The following IFFO2 variants were observed in gnomAD, a reference collection of about 807,000 sequenced individuals.
IFFO2 encodes the protein intermediate filament family orphan 2.
A neutral mutation model predicts 53.5 loss-of-function variants in IFFO2; 19 were observed. The ratio of observed to expected loss-of-function variants is 0.36; its 90% CI spans 0.25 to 0.52. The LOEUF is 0.52. Among genes scored for constraint, IFFO2 ranks in the 20% least tolerant of loss-of-function variants. The probability of loss-of-function intolerance (pLI) is 0.94; values close to 1 mark genes in which losing one functional copy is unlikely to be tolerated. For synonymous variants in IFFO2, 303 were observed against 313.6 expected (o/e 0.97, Z 0.36); for missense variants, 570 against 727.4 (o/e 0.78, Z 2.49).
chr1:18,939,499 T>C (rs1388262772), intron 1 of IFFO2, among the ~76,000 whole-genome samples: 1 of 152,180 alleles, frequency 6.6e-6, no homozygotes, highest in East Asian at 1.9e-4. Context: ...ATCCCTGGGA[T>C]TCAGGCCACT....
At chr1:18,940,981 G>A (rs1241693975) in intron 1 of IFFO2, among the ~76,000 whole-genome samples, 1 of 152,188 alleles carries the variant, frequency 6.6e-6, no homozygotes. Context: ...TGCAACACGA[G>A]ACTCTAGTGG....
chr1:18,950,139 T>A (rs757812889), intron 1 of IFFO2, among the ~76,000 whole-genome samples: 2 of 152,152 alleles, frequency 1.3e-5, no homozygotes, highest in Non-Finnish European at 2.9e-5. Flanking sequence ...GGCGAGAGAT[T>A]TCCGGAGGCA....
In IFFO2 at chr1:18,956,157, C is replaced by A; in HGVS notation, c.176G>T (p.Gly59Val). The change falls in exon 1 of 9, where the codon GGG becomes GTG. Residue 59 changes from glycine to valine, a missense_variant. Gly to Val is a moderately radical substitution (Grantham distance 109). Transcript: ENST00000455833. This position sits in a 1 kb window ranked among gnomAD's most constrained non-coding sequence, Gnocchi z 6.4. ...DLGSNIHLLK[G>V]LNVRFRCFLA... is the part of the protein sequence containing the mutation. ...GAAGCAGCGGAAGCGCACGTTGAGC[C>A]CCTTCAAGAGGTGGATGTTGGAGCC... The A allele has an allele frequency of 6.7e-7, 1 of 1,489,726 alleles. No individual in the cohort carries two copies. Among genetic ancestry groups the A allele is most frequent in the Non-Finnish European group, 9.0e-7 (1 of 1,110,538 alleles). The allele number at this position is 1,489,726 out of a possible 1,614,324, so 92.3% of individuals were successfully genotyped here. A position where few individuals can be genotyped will look rare whatever the true frequency, so the allele number is the denominator to read the frequency against.
At chr1:18,913,377 TC>T (rs1385274393) in intron 5 of IFFO2, among the ~76,000 whole-genome samples, 3 of 152,206 alleles carry the variant, frequency 2.0e-5, no homozygotes, top group Non-Finnish European at 4.4e-5. Context: ...CACACTCAAT[TC>T]CTGACTTCAC....
At chr1:18,910,310 T>C in intron 8 of IFFO2, 32 bp downstream of exon 8, 2 of 1,577,526 alleles carry the variant, frequency 1.3e-6, no homozygotes, top group Non-Finnish European at 1.7e-6. Flanking sequence ...AAGGATGCCA[T>C]AGCTGAATCC....
At chr1:18,940,796 C>A (rs933840805) in intron 1 of IFFO2, among the ~76,000 whole-genome samples, 3 of 152,120 alleles carry the variant, frequency 2.0e-5, no homozygotes, top group African/African-American at 7.2e-5. Flanking sequence ...TGTACGTACA[C>A]GTGCAAATAC....
At chr1:18,948,565 T>C (rs28725464) in intron 1 of IFFO2, among the ~76,000 whole-genome samples, 120,589 of 152,234 alleles carry the variant, frequency 0.79, 48,889 homozygotes, top group East Asian at 0.94. Context: ...CACATCCTGC[T>C]CAGGAAGCCA....
At chr1:18,952,063 C>T (rs1196840737) in intron 1 of IFFO2, among the ~76,000 whole-genome samples, 2 of 152,194 alleles carry the variant, frequency 1.3e-5, no homozygotes, top group Admixed American at 6.5e-5. Flanking sequence ...ACCTAAAGTC[C>T]AGGTCTCCTG....
Position 18,918,856 on chromosome 1 carries a change from C to T in IFFO2, c.823-354G>A, listed in dbSNP as rs1227957361. Among the ~76,000 whole-genome samples, 1 of 152,140 alleles carries T rather than the reference C, an allele frequency of 6.6e-6. No homozygotes were observed. Among genetic ancestry groups the T allele is most frequent in the Non-Finnish European group, 1.5e-5 (1 of 68,002 alleles). ...CAGCCCTTCTTTTCCCACCGGCACA[C>T]CCCACCTGTCCCCCACACAGGCAGC... On this transcript the variant is annotated intron_variant, in intron 3 of 8. Coordinates refer to ENST00000455833, the MANE Select transcript of IFFO2 (RefSeq NM_001136265.2). This position sits in a 1 kb window ranked among gnomAD's most constrained non-coding sequence, Gnocchi z 5.2.
At chr1:18,912,210 G>T in intron 5 of IFFO2, 127 bp from the exon 6 acceptor site, 1 of 1,125,948 alleles carries the variant, frequency 8.9e-7, no homozygotes. Flanking sequence ...AAAGACAGGG[G>T]TAGTAAGCCA....
chr1:18,935,075 C>T (rs1312938484), intron 1 of IFFO2, among the ~76,000 whole-genome samples: 1 of 152,198 alleles, frequency 6.6e-6, no homozygotes, highest in Admixed American at 6.5e-5. Flanking sequence ...ACCACAGGCT[C>T]CCAGTTGCCC....
chr1:18,946,455 C>T (rs1286425649), intron 1 of IFFO2, among the ~76,000 whole-genome samples: 1 of 132,146 alleles, frequency 7.6e-6, no homozygotes. Context: ...CACTCTGTTG[C>T]CCAGGCTGGA....
chr1:18,910,409 T>C lies in IFFO2; in HGVS notation c.1381A>G (p.Ser461Gly). Residue 461 changes from serine (S) to glycine (G), a missense_variant, in exon 8 of 9, where the codon AGC becomes GGC. Coordinates refer to ENST00000455833, the MANE Select transcript of IFFO2 (RefSeq NM_001136265.2). Reference protein sequence around the residue: ...RHLHEYMEMCSMKRGLDVQME... With the variant: ...RHLHEYMEMCGMKRGLDVQME... ...TGCACGTCCAGGCCTCGCTTCATGC[T>C]GCACATCTCCATGTACTCGTGCAGG... 6.2e-7 allele frequency: 1 copy of C among 1,614,088 alleles called. No homozygotes were observed. Among genetic ancestry groups the C allele is most frequent in the Non-Finnish European group, 8.5e-7 (1 of 1,179,952 alleles).
chr1:18,932,312 G>T (rs1196333531), intron 1 of IFFO2, among the ~76,000 whole-genome samples: 3 of 152,230 alleles, frequency 2.0e-5, no homozygotes, highest in Non-Finnish European at 4.4e-5. Context: ...CAGCAACCTT[G>T]TTTCTCTGGT....
At chr1:18,929,222 G>A (rs977355889) in intron 1 of IFFO2, among the ~76,000 whole-genome samples, 1 of 152,188 alleles carries the variant, frequency 6.6e-6, no homozygotes, top group Non-Finnish European at 1.5e-5. Flanking sequence ...GTAAAACGGG[G>A]ATAGCAATCC....
Position 18,910,517 on chromosome 1 carries a change from C to T in IFFO2, c.1318-45G>A, listed in dbSNP as rs201953181. The T allele has an allele frequency of 9.1e-5, 144 of 1,575,510 alleles. 2 individuals carry two copies. In the East Asian group the frequency reaches 2.9e-3, roughly 32 times the overall value. On this transcript the variant is annotated intron_variant, in intron 7 of 8. Transcript: ENST00000455833. ...AATAAGGGTGAGGGCAAGTCATCCTCGTGACAGAAGCCTCGGCAACCTCTC... is the reference window on the plus strand; with the variant it reads ...AATAAGGGTGAGGGCAAGTCATCCTTGTGACAGAAGCCTCGGCAACCTCTC...
At chr1:18,950,194 G>A (rs573402002) in intron 1 of IFFO2, among the ~76,000 whole-genome samples, 10 of 152,292 alleles carry the variant, frequency 6.6e-5, no homozygotes, top group South Asian at 2.1e-4. Flanking sequence ...CTTAGATGCC[G>A]GACAAAGAAG....
chr1:18,919,760 G>A lies in IFFO2; in HGVS notation c.740C>T (p.Ala247Val), dbSNP rs1266019200. The change falls in exon 3 of 9, where the codon GCT becomes GTT. Residue 247 changes from alanine (A) to valine (V), a missense_variant. Ala to Val is a moderately conservative substitution (Grantham distance 64, BLOSUM62 0). Transcript: ENST00000455833. The surrounding 1 kb of genome is among the most constrained non-coding windows in gnomAD (Gnocchi z 4.9). The stretch of plus-strand genomic sequence containing the variant: ...ATTCATCTCCTCCTGGATGGCATCA[G>A]CCTCCTGTGCTGCCTGCGGGGACGG... ...VDTLQEAAQE[A>V]DAIQEEMNEK... 1 of 1,551,306 alleles carries A rather than the reference G, an allele frequency of 6.4e-7. No individual in the cohort carries two copies. The highest frequency in any genetic ancestry group is 8.7e-7 in the Non-Finnish European group (1 of 1,146,722).
At chr1:18,953,216 G>A (rs1210101585) in intron 1 of IFFO2, among the ~76,000 whole-genome samples, 1 of 152,212 alleles carries the variant, frequency 6.6e-6, no homozygotes, top group Non-Finnish European at 1.5e-5. Context: ...ATGGCCAGGG[G>A]ATCAGAAGCG....
Sources: gnomAD v4.1 joint callset for allele counts (sites outside exome capture counted in the v4.1 genomes callset) on GRCh38, gnomAD v4.1.1 for gene constraint, Gnocchi (gnomAD v3.1) non-coding constraint, MANE v1.5 for transcripts, NCBI Gene and HGNC (gene_info 2026-07-23, HGNC 2026-07-21) for gene names.